The following FANCL variants were observed in gnomAD, a reference collection of about 807,000 sequenced individuals.
The protein encoded by FANCL is E3 ubiquitin-protein ligase FANCL.
Under a neutral mutation model 59.4 loss-of-function variants are expected in FANCL, and 69 were observed. The observed-to-expected ratio is 1.16, with a 90% confidence interval of 0.96 to 1.42. FANCL has a LOEUF of 1.42. FANCL is among the 40% of genes most tolerant of loss of function. The probability of loss-of-function intolerance (pLI) is 0.00; values close to 1 mark genes in which losing one functional copy is unlikely to be tolerated. For missense variants in FANCL, 519 were observed against 447.2 expected (o/e 1.16, Z -1.45); for synonymous variants, 180 against 147.1 (o/e 1.22, Z -1.62).
chr2:58,199,370 CTATT>C (rs1312468453), intron 6 of FANCL, among the ~76,000 whole-genome samples: 1 of 152,002 alleles, frequency 6.6e-6, no homozygotes, highest in Non-Finnish European at 1.5e-5. Flanking sequence ...GCATCAGTCA[CTATT>C]TAAATAGGCA....
chr2:58,167,151 G>A (rs1686037960), intron 7 of FANCL, among the ~76,000 whole-genome samples: 1 of 152,210 alleles, frequency 6.6e-6, no homozygotes, highest in Admixed American at 6.5e-5. Flanking sequence ...GGCAGAGGTT[G>A]CAGTGGGCCG....
rs539278173 is a variant in FANCL, at chr2:58,168,830, G to A, written c.541-2956C>T. Among the ~76,000 whole-genome samples the A allele has an allele frequency of 1.2e-4, 19 of 152,220 alleles. 1 individual carries two copies. In the South Asian group the frequency reaches 3.5e-3, roughly 28 times the overall value. On this transcript the variant is annotated intron_variant, in intron 7 of 13. Coordinates refer to ENST00000233741, the MANE Select transcript of FANCL (RefSeq NM_018062.4). The stretch of plus-strand genomic sequence containing the variant: ...CCCCTCACAGTGTATACAATGCCAC[G>A]AGGAAGCTGGAACTGGGCAGAGCTC...
rs915104145 is a variant in FANCL, at chr2:58,202,697, A to C, written c.471+1433T>G. Reference sequence around the variant, plus strand: ...TCTTATCTACCTTGAAAAAGTATAGAAAAAAGCAGACAAAATGGACCATAT... The same window carrying C: ...TCTTATCTACCTTGAAAAAGTATAGCAAAAAGCAGACAAAATGGACCATAT... On this transcript the variant is annotated intron_variant, in intron 6 of 13. Transcript: ENST00000233741. Among the ~76,000 whole-genome samples the C allele has an allele frequency of 7.4e-4, 113 of 151,796 alleles. 2 individuals are homozygous for C. Among genetic ancestry groups the C allele is most frequent in the African/African-American group, 2.7e-3 (112 of 41,364 alleles).
In FANCL at chr2:58,177,366, G is replaced by A. The variant is rs948782289; in HGVS notation, c.541-11492C>T. Reference sequence around the variant, plus strand: ...TTGCAGCACTATTCACAACAGCAAAGACTTGGAACCAACCCAAATATCCAA... The same window carrying A: ...TTGCAGCACTATTCACAACAGCAAAAACTTGGAACCAACCCAAATATCCAA... On this transcript the variant is annotated intron_variant, in intron 7 of 13. Transcript: ENST00000233741. 1.2e-4 allele frequency among the ~76,000 whole-genome samples: 18 copies of A among 151,986 alleles called. 2 individuals carry two copies. Among genetic ancestry groups the A allele is most frequent in the Admixed American group, 1.2e-3 (18 of 15,254 alleles).
At chr2:58,171,073 A>G (rs558611403) in intron 7 of FANCL, among the ~76,000 whole-genome samples, 2 of 152,322 alleles carry the variant, frequency 1.3e-5, no homozygotes, top group Non-Finnish European at 2.9e-5. Flanking sequence ...CAAAACATAC[A>G]TTCCTCTCAG....
At chr2:58,203,887 T>TA (rs561150688) in intron 6 of FANCL, among the ~76,000 whole-genome samples, 165 of 151,766 alleles carry the variant, frequency 1.1e-3, no homozygotes, top group Middle Eastern at 3.4e-3. Flanking sequence ...TATAAAATTG[T>TA]AACTGTAGTA....
chr2:58,193,610 C>A (rs961724116), intron 7 of FANCL, among the ~76,000 whole-genome samples: 17 of 151,802 alleles, frequency 1.1e-4, no homozygotes, highest in African/African-American at 4.1e-4. Context: ...AGACTGCCAA[C>A]AAAGAAAAAG....
chr2:58,200,763 T>C (rs1426817200), intron 6 of FANCL, among the ~76,000 whole-genome samples: 1 of 151,798 alleles, frequency 6.6e-6, no homozygotes, highest in Non-Finnish European at 1.5e-5. Context: ...AAAAGCAAGT[T>C]AGAGTAAATA....
chr2:58,198,488 G>C, intron 7 of FANCL, 106 bp downstream of exon 7: 1 of 882,642 alleles, frequency 1.1e-6, no homozygotes, highest in South Asian at 1.6e-5. Context: ...ATGGATTTTG[G>C]TATTTACAGA....
intron 13 of FANCL, 69 bp from the exon 14 acceptor site, chr2:58,159,869 A>T: frequency 6.3e-7 from 1 of 1,598,550 alleles, no homozygotes; most frequent in Non-Finnish European, 8.5e-7. Flanking sequence ...TTTGTACTAG[A>T]AATAGTGTCA....
chr2:58,190,329 A>T (rs777424997), intron 7 of FANCL, among the ~76,000 whole-genome samples: 6 of 151,976 alleles, frequency 3.9e-5, no homozygotes, highest in Non-Finnish European at 8.8e-5. Flanking sequence ...TAGTCACCTC[A>T]TGTGTAGCCA....
upstream of FANCL, chr2:58,241,342 G>A: frequency 6.2e-7 from 1 of 1,608,300 alleles, no homozygotes; most frequent in South Asian, 1.1e-5. Flanking sequence ...ACACAGAAAA[G>A]CTCTAGACCT....
At chr2:58,177,905 G>C (rs1687518957) in intron 7 of FANCL, among the ~76,000 whole-genome samples, 1 of 151,620 alleles carries the variant, frequency 6.6e-6, no homozygotes, top group Admixed American at 6.6e-5. Context: ...TGATGAAGGG[G>C]ATATCGCCAC....
In FANCL at chr2:58,225,548, C is replaced by G. The variant is rs1045144270; in HGVS notation, c.273+1180G>C. Among the ~76,000 whole-genome samples the G allele has an allele frequency of 2.6e-5, 4 of 152,012 alleles. No individual in the cohort carries two copies. In the East Asian group the frequency reaches 7.7e-4, roughly 29 times the overall value. ...AACTTTATATTGAATGGATCTAAAC[C>G]TATTGATCAATCTTAAATTTACTAA... On this transcript the variant is annotated intron_variant, in intron 4 of 13. Coordinates refer to ENST00000233741, the MANE Select transcript of FANCL (RefSeq NM_018062.4).
intron 7 of FANCL, among the ~76,000 whole-genome samples, chr2:58,176,357 T>C (rs1687310472): frequency 1.3e-5 from 2 of 151,950 alleles, no homozygotes; most frequent in East Asian, 3.9e-4. Context: ...GCTGGAGGCA[T>C]CACGCTACCT....
intron 7 of FANCL, among the ~76,000 whole-genome samples, chr2:58,179,803 T>C (rs1393129514): frequency 2.0e-5 from 3 of 152,118 alleles, no homozygotes; most frequent in South Asian, 2.1e-4. Context: ...ATCTACATAA[T>C]GGGAGAATAT....
intron 6 of FANCL, among the ~76,000 whole-genome samples, chr2:58,201,064 A>T (rs866765813): frequency 1.3e-5 from 2 of 150,324 alleles, no homozygotes; most frequent in South Asian, 4.2e-4. Flanking sequence ...AATATAAACT[A>T]GCATACTAGA....
chr2:58,207,928 G>A (rs1423148694), intron 5 of FANCL, among the ~76,000 whole-genome samples: 3 of 152,204 alleles, frequency 2.0e-5, no homozygotes, highest in Non-Finnish European at 2.9e-5. Context: ...TCATGGTGGC[G>A]TGCACCTGTA....
intron 5 of FANCL, among the ~76,000 whole-genome samples, chr2:58,217,149 A>G (rs1169988693): frequency 2.2e-5 from 2 of 89,216 alleles, no homozygotes; most frequent in Non-Finnish European, 5.0e-5. Flanking sequence ...ATAGATTTAT[A>G]TATATATTTA....
Sources: gnomAD v4.1 joint callset for allele counts (sites outside exome capture counted in the v4.1 genomes callset) on GRCh38, gnomAD v4.1.1 for gene constraint, MANE v1.5 for transcripts, NCBI Gene and HGNC (gene_info 2026-07-23, HGNC 2026-07-21) for gene names.